Variants in KCNH5 observed in about 807,000 individuals in gnomAD.
The protein encoded by KCNH5 is voltage-gated delayed rectifier potassium channel KCNH5.
In KCNH5, 46 loss-of-function variants were observed where a neutral mutation model predicts 96.1. The ratio of observed to expected loss-of-function variants is 0.48; its 90% CI spans 0.38 to 0.61. The LOEUF (loss-of-function observed/expected upper bound fraction) is 0.61, where lower values mean the gene tolerates loss of function less well. Among genes scored for constraint, KCNH5 ranks in the 20% least tolerant of loss-of-function variants. The pLI is 0.00. For synonymous variants in KCNH5, 439 were observed against 449.8 expected (o/e 0.98, Z 0.30); for missense variants, 907 against 1,225.8 (o/e 0.74, Z 3.88).
intron 1 of KCNH5, among the ~76,000 whole-genome samples, chr14:63,030,113 C>T (rs1408341821): frequency 6.6e-6 from 1 of 152,130 alleles, no homozygotes; most frequent in Non-Finnish European, 1.5e-5. Context: ...GACAGGGAAA[C>T]CAGTTCTGGT....
At chr14:63,032,776 A>G (rs1397498364) in intron 1 of KCNH5, among the ~76,000 whole-genome samples, 1 of 152,212 alleles carries the variant, frequency 6.6e-6, no homozygotes, top group Non-Finnish European at 1.5e-5. Context: ...GTACACACTT[A>G]TATTGAGCTA....
At chr14:63,002,209 G>A (rs1483915254) in intron 3 of KCNH5, among the ~76,000 whole-genome samples, 1 of 152,182 alleles carries the variant, frequency 6.6e-6, no homozygotes, top group Non-Finnish European at 1.5e-5. Flanking sequence ...CTATCACCTC[G>A]TTCTTCGAAG....
intron 1 of KCNH5, among the ~76,000 whole-genome samples, chr14:63,019,713 A>G (rs1891390664): frequency 6.6e-6 from 1 of 152,090 alleles, no homozygotes; most frequent in African/African-American, 2.4e-5. Flanking sequence ...ATAAAAGGGA[A>G]AATTATAAAC....
intron 6 of KCNH5, among the ~76,000 whole-genome samples, chr14:62,974,302 G>C (rs1290150040): frequency 6.6e-6 from 1 of 151,860 alleles, no homozygotes; most frequent in Non-Finnish European, 1.5e-5. Context: ...CAAACAGCGT[G>C]TTATCTGCAG....
chr14:62,979,431 G>A (rs1594656600), intron 6 of KCNH5, among the ~76,000 whole-genome samples: 1 of 151,896 alleles, frequency 6.6e-6, no homozygotes, highest in Non-Finnish European at 1.5e-5. Flanking sequence ...AAATTTGGGG[G>A]AAATAATATT....
chr14:62,969,738 A>G (rs1004751959), intron 6 of KCNH5, among the ~76,000 whole-genome samples: 1 of 151,274 alleles, frequency 6.6e-6, no homozygotes, highest in African/African-American at 2.4e-5. Flanking sequence ...CGTGTATCCC[A>G]GAACTTAAAA....
At chr14:62,812,588 G>C (rs767717572) in intron 8 of KCNH5, among the ~76,000 whole-genome samples, 4 of 151,474 alleles carry the variant, frequency 2.6e-5, no homozygotes, top group African/African-American at 4.8e-5. Flanking sequence ...TAGAAGATAA[G>C]GGAGTCTAAA....
chr14:62,787,786 T>C (rs1886348378), intron 9 of KCNH5, among the ~76,000 whole-genome samples: 1 of 152,220 alleles, frequency 6.6e-6, no homozygotes, highest in South Asian at 2.1e-4. Context: ...GGACAAAGCC[T>C]GGATGACAGT....
chr14:62,834,908 A>C (rs1471891429), intron 8 of KCNH5, among the ~76,000 whole-genome samples: 2 of 151,932 alleles, frequency 1.3e-5, no homozygotes, highest in African/African-American at 2.4e-5. Flanking sequence ...GGAGGCAAAG[A>C]CCATATAACC....
chr14:62,869,864 T>A (rs897179059), intron 7 of KCNH5, among the ~76,000 whole-genome samples: 2 of 152,168 alleles, frequency 1.3e-5, no homozygotes, highest in African/African-American at 4.8e-5. Flanking sequence ...CCCTATTTAA[T>A]CAATGGTGTT....
At chr14:62,806,554 A>G (rs1164542328) in intron 8 of KCNH5, among the ~76,000 whole-genome samples, 1 of 152,080 alleles carries the variant, frequency 6.6e-6, no homozygotes, top group Non-Finnish European at 1.5e-5. Flanking sequence ...CACCCTCCCT[A>G]CAAAGGAAGC....
At chr14:62,844,820 CAG>C (rs1417126866) in intron 8 of KCNH5, among the ~76,000 whole-genome samples, 2 of 152,084 alleles carry the variant, frequency 1.3e-5, no homozygotes, top group African/African-American at 4.8e-5. Flanking sequence ...CACATTAAGA[CAG>C]AATTAAATCA....
rs181462619 is a variant in KCNH5 at position 62,895,976 on chromosome 14, G to A, written c.1370-46124C>T. ...GACAGTAGGGAAAAATAATAATTAA[G>A]GGTGGGGGACTATAAGAAAGAAATT... On this transcript the variant is annotated intron_variant, in intron 7 of 10. Transcript: ENST00000322893. Among the ~76,000 whole-genome samples, 239 of 152,236 alleles carry A rather than the reference G, an allele frequency of 1.6e-3. 1 individual carries two copies. The highest frequency in any genetic ancestry group is 5.4e-3 in the African/African-American group (223 of 41,536).
intron 8 of KCNH5, among the ~76,000 whole-genome samples, chr14:62,829,337 C>G (rs1018961234): frequency 1.3e-5 from 2 of 152,168 alleles, no homozygotes; most frequent in African/African-American, 2.4e-5. Flanking sequence ...GGGCTCCAAC[C>G]CCATATTTCA....
intron 6 of KCNH5, among the ~76,000 whole-genome samples, chr14:62,970,679 T>C (rs999882134): frequency 6.6e-6 from 1 of 152,164 alleles, no homozygotes; most frequent in Non-Finnish European, 1.5e-5. Flanking sequence ...GTTCTAGGTA[T>C]GCAAAGCTGG....
chr14:62,709,435 G>A (rs1884523078), intron 10 of KCNH5, among the ~76,000 whole-genome samples: 1 of 152,056 alleles, frequency 6.6e-6, no homozygotes, highest in South Asian at 2.1e-4. Flanking sequence ...GGTAACACCA[G>A]CTTAGTACAC....
At chr14:62,853,494 A>ATATATATATCATATATATAT (rs375695583) in intron 7 of KCNH5, among the ~76,000 whole-genome samples, 5 of 102,064 alleles carry the variant, frequency 4.9e-5, no homozygotes, top group Admixed American at 9.3e-5. Context: ...ATATATATAT[A>ATATATATATCATATATATAT]ATCTTGGCCA....
intron 7 of KCNH5, among the ~76,000 whole-genome samples, chr14:62,893,810 ACT>A (rs552504225): frequency 3.3e-4 from 51 of 152,298 alleles, no homozygotes; most frequent in African/African-American, 1.1e-3. Flanking sequence ...GAAAGAAATG[ACT>A]CTAGTTTTGA....
At chr14:62,766,952 T>C (rs1885874283) in intron 10 of KCNH5, among the ~76,000 whole-genome samples, 1 of 152,068 alleles carries the variant, frequency 6.6e-6, no homozygotes, top group Non-Finnish European at 1.5e-5. Context: ...CATAAATACA[T>C]ACATCTACTA....
Sources: gnomAD v4.1 joint callset for allele counts (sites outside exome capture counted in the v4.1 genomes callset) on GRCh38, gnomAD v4.1.1 for gene constraint, MANE v1.5 for transcripts, NCBI Gene and HGNC (gene_info 2026-07-23, HGNC 2026-07-21) for gene names.